Variants in CATSPERT observed in about 807,000 individuals in gnomAD.
The protein encoded by CATSPERT is catsper channel auxiliary subunit tau, also known as cation channel sperm-associated targeting subunit tau.
chr2:201,534,808 A>G, the CATSPERT span: 2 of 892,884 alleles, frequency 2.2e-6, no homozygotes, highest in Non-Finnish European at 2.7e-6. Flanking sequence ...AATGTCCAAC[A>G]ATATGAAAAC....
At chr2:201,495,995 T>C in the CATSPERT span, 1 of 1,407,416 alleles carries the variant, frequency 7.1e-7, no homozygotes, top group Non-Finnish European at 9.9e-7. Context: ...GTTCTAATTT[T>C]AGATTACTTG....
chr2:201,494,280 T>C, the CATSPERT span: 1 of 1,537,124 alleles, frequency 6.5e-7, no homozygotes, highest in Non-Finnish European at 8.7e-7. Flanking sequence ...ATAATTTGTC[T>C]GAAAGGTCTT....
At chr2:201,586,142 T>C in the CATSPERT span, among the ~76,000 whole-genome samples, 2 of 152,236 alleles carry the variant, frequency 1.3e-5, no homozygotes, top group Admixed American at 6.5e-5. Flanking sequence ...AGTTGCGTTA[T>C]TGTAAGAATA....
chr2:201,602,248 A>T, the CATSPERT span, among the ~76,000 whole-genome samples: 1 of 152,096 alleles, frequency 6.6e-6, no homozygotes, highest in Non-Finnish European at 1.5e-5. Flanking sequence ...TATCAGATTA[A>T]CCTATTTTTA....
chr2:201,518,553 GT>G, the CATSPERT span, among the ~76,000 whole-genome samples: 1 of 152,202 alleles, frequency 6.6e-6, no homozygotes, highest in African/African-American at 2.4e-5. Flanking sequence ...TACTACAAAT[GT>G]TTACAAACTG....
At chr2:201,565,182 T>A in the CATSPERT span, among the ~76,000 whole-genome samples, 1 of 151,824 alleles carries the variant, frequency 6.6e-6, no homozygotes, top group African/African-American at 2.4e-5. Context: ...TTATCCCTCA[T>A]AAATGAGTTT....
chr2:201,582,763 T>C, the CATSPERT span, among the ~76,000 whole-genome samples: 1 of 152,238 alleles, frequency 6.6e-6, no homozygotes, highest in South Asian at 2.1e-4. Context: ...ACCATTATTA[T>C]GTAATCTTTA....
chr2:201,488,004 AAAAC>A, the CATSPERT span: 8 of 958,194 alleles, frequency 8.3e-6, no homozygotes, highest in Non-Finnish European at 1.2e-5. Flanking sequence ...AGAAAAAAGA[AAAAC>A]AAACAAGGAC....
the CATSPERT span, among the ~76,000 whole-genome samples, chr2:201,490,743 A>C: frequency 1.3e-5 from 2 of 152,106 alleles, no homozygotes; most frequent in Admixed American, 6.5e-5. Flanking sequence ...GTTTGTTTTG[A>C]GACGGGGTCT....
chr2:201,537,501 G>A, the CATSPERT span: 93 of 1,535,594 alleles, frequency 6.1e-5, 1 homozygote, highest in Non-Finnish European at 6.8e-5. Flanking sequence ...ATTAATAGGG[G>A]TATTTTATTT....
chr2:201,596,297 C>T, the CATSPERT span, among the ~76,000 whole-genome samples: 12 of 152,080 alleles, frequency 7.9e-5, no homozygotes, highest in Non-Finnish European at 1.8e-4. Flanking sequence ...GAGCTGGAGG[C>T]CATTATCCTT....
At chr2:201,491,137 CAGAAGTAGA>C in the CATSPERT span, 2 of 1,488,744 alleles carry the variant, frequency 1.3e-6, no homozygotes, top group Non-Finnish European at 1.8e-6. Flanking sequence ...TTGCCAAATA[CAGAAGTAGA>C]AGACTTAGAA....
At chr2:201,553,922 C>T in the CATSPERT span, 23 of 152,224 alleles carry the variant, frequency 1.5e-4, no homozygotes, top group East Asian at 4.4e-3. Context: ...CCATGAGCAT[C>T]TCAAGTAATC....
chr2:201,550,381 CAACAT>C, the CATSPERT span: 1 of 152,080 alleles, frequency 6.6e-6, no homozygotes, highest in African/African-American at 2.4e-5. Flanking sequence ...TTAGCTACAT[CAACAT>C]AATTTATCAC....
the CATSPERT span, among the ~76,000 whole-genome samples, chr2:201,559,278 G>A: frequency 2.0e-5 from 3 of 152,188 alleles, no homozygotes; most frequent in Admixed American, 6.5e-5. Context: ...CTGAGAAACA[G>A]CTCCTCAGGC....
At chr2:201,514,317 T>C in the CATSPERT span, among the ~76,000 whole-genome samples, 43,554 of 151,980 alleles carry the variant, frequency 0.29, 6,611 homozygotes, top group Admixed American at 0.38. Context: ...CCCAACAATA[T>C]ATGAAAAGGA....
the CATSPERT span, chr2:201,537,426 TTTC>T: frequency 6.3e-7 from 1 of 1,583,910 alleles, no homozygotes; most frequent in East Asian, 2.3e-5. Flanking sequence ...TCTCTTCCAA[TTTC>T]CCTTACCTCA....
chr2:201,614,937 C>A, the CATSPERT span, among the ~76,000 whole-genome samples: 2 of 152,084 alleles, frequency 1.3e-5, no homozygotes, highest in Admixed American at 1.3e-4. Flanking sequence ...AGACTTCAAA[C>A]CAACAAAGAT....
the CATSPERT span, among the ~76,000 whole-genome samples, chr2:201,518,228 G>A: frequency 6.6e-6 from 1 of 152,160 alleles, no homozygotes; most frequent in African/African-American, 2.4e-5. Context: ...GAGGTAGGGG[G>A]ACTGCAAAAA....
Sources: allele counts gnomAD v4.1 joint callset (sites outside exome capture counted in the v4.1 genomes callset), GRCh38; gene constraint gnomAD v4.1.1; transcripts MANE v1.5; gene names NCBI Gene and HGNC (gene_info 2026-07-23, HGNC 2026-07-21).